Variants in LRRC20 observed in about 807,000 individuals in gnomAD.
LRRC20 encodes leucine-rich repeat-containing protein 20.
LRRC20 carries 11 observed loss-of-function variants against 14.4 expected under a neutral mutation model. The observed-to-expected ratio is 0.77, with a 90% CI of 0.48 to 1.27. The LOEUF (loss-of-function observed/expected upper bound fraction) is 1.27. Among genes scored for constraint, LRRC20 ranks in the 50% most tolerant of loss-of-function variants. LRRC20 has a pLI of 0.00. For missense variants in LRRC20, 219 were observed against 251.2 expected, an observed-to-expected ratio of 0.87 and a Z score of 0.87; for synonymous variants, 121 against 107.3, an observed-to-expected ratio of 1.13 and a Z score of -0.79.
chr10:70,358,331 G>C (rs967320244), intron 2 of LRRC20, among the ~76,000 whole-genome samples: 1 of 152,236 alleles, frequency 6.6e-6, no homozygotes, highest in Non-Finnish European at 1.5e-5. Context: ...GCAGCAGATG[G>C]AAGCTGCGAG....
At chr10:70,315,960 C>A (rs1841833906) in intron 4 of LRRC20, among the ~76,000 whole-genome samples, 2 of 152,096 alleles carry the variant, frequency 1.3e-5, no homozygotes, top group African/African-American at 4.8e-5. Context: ...TGTCCATATC[C>A]CCACAAGCCT....
intron 1 of LRRC20, among the ~76,000 whole-genome samples, chr10:70,380,936 T>C (rs1305249797): frequency 2.0e-5 from 3 of 152,078 alleles, no homozygotes; most frequent in African/African-American, 7.2e-5. Flanking sequence ...TAGGGGGGCA[T>C]GAAGGCACAT....
intron 4 of LRRC20, among the ~76,000 whole-genome samples, chr10:70,308,976 C>G (rs1285059144): frequency 6.6e-6 from 1 of 152,152 alleles, no homozygotes; most frequent in Non-Finnish European, 1.5e-5. Context: ...GTTCTTGAGT[C>G]TCTTCTTTCA....
chr10:70,317,755 C>T (rs1013715038), intron 4 of LRRC20, among the ~76,000 whole-genome samples: 1 of 152,154 alleles, frequency 6.6e-6, no homozygotes, highest in Non-Finnish European at 1.5e-5. Context: ...CCTTTTGTGA[C>T]CATGGTTCAA....
In LRRC20 at chr10:70,376,476, C is replaced by G. The variant is rs760313081; in HGVS notation, c.58G>C (p.Val20Leu). ...ARVARKVNET[V>L]ESGSDTLDLA... is the part of the protein sequence containing the mutation. ...CCCAGAGTGTCAGAGCCGCTCTCCACCGTCTCGTTGACCTTCCTTGCTACT... is the reference window on the plus strand; with the variant it reads ...CCCAGAGTGTCAGAGCCGCTCTCCAGCGTCTCGTTGACCTTCCTTGCTACT... The change falls in exon 2 of 5, where the codon GTG becomes CTG. Residue 20 changes from valine to leucine, a missense_variant. Transcript: ENST00000446961. 1 of 1,614,024 alleles carries G rather than the reference C, an allele frequency of 6.2e-7. No homozygotes were observed. Among genetic ancestry groups the G allele is most frequent in the African/African-American group, 1.3e-5 (1 of 74,954 alleles).
At chr10:70,301,642 C>G (rs767163338) in intron 4 of LRRC20, 134 bp from the exon 5 acceptor site, 35 of 1,059,082 alleles carry the variant, frequency 3.3e-5, no homozygotes, top group Non-Finnish European at 4.4e-5. Flanking sequence ...GTGGGCTCAG[C>G]TCCTGGTGCC....
At position 70,357,413 on chromosome 10, in the gene LRRC20, G is replaced by A. The variant is rs1288303941; in HGVS notation, c.83-16711C>T. On this transcript the variant is annotated intron_variant, in intron 2 of 4. Coordinates refer to ENST00000446961, the MANE Select transcript of LRRC20 (RefSeq NM_001278212.2). The stretch of plus-strand genomic sequence containing the variant: ...CAGGATCCAACGAACAGGTGGTTCT[G>A]AGCATGAAATAAAACGTCTGCAAGG... Among the ~76,000 whole-genome samples the A allele has an allele frequency of 2.6e-5, 4 of 152,220 alleles. No individual in the cohort carries two copies. The East Asian group carries it at 7.7e-4, about 29-fold the overall frequency.
At chr10:70,327,047 A>G (rs955448140) in intron 3 of LRRC20, among the ~76,000 whole-genome samples, 1 of 152,354 alleles carries the variant, frequency 6.6e-6, no homozygotes, top group Non-Finnish European at 1.5e-5. Context: ...GAGAAAAATA[A>G]GAAGCATCTA....
chr10:70,305,640 C>G (rs1411953323), intron 4 of LRRC20, among the ~76,000 whole-genome samples: 1 of 152,146 alleles, frequency 6.6e-6, no homozygotes, highest in East Asian at 1.9e-4. Flanking sequence ...GTCTCTTCCC[C>G]CCTCCTTTTT....
intron 2 of LRRC20, among the ~76,000 whole-genome samples, chr10:70,368,334 T>A (rs1216176692): frequency 6.6e-6 from 1 of 151,384 alleles, no homozygotes; most frequent in African/African-American, 2.4e-5. Context: ...ATTTTTTGTA[T>A]TTTTAGTACA....
At chr10:70,349,296 G>A (rs2137052758) in intron 2 of LRRC20, among the ~76,000 whole-genome samples, 1 of 152,312 alleles carries the variant, frequency 6.6e-6, no homozygotes, top group African/African-American at 2.4e-5. Flanking sequence ...ATAAGCGCAG[G>A]GCTGGGCATG....
chr10:70,315,149 A>G (rs984502762), intron 4 of LRRC20, among the ~76,000 whole-genome samples: 1 of 152,180 alleles, frequency 6.6e-6, no homozygotes, highest in Non-Finnish European at 1.5e-5. Flanking sequence ...AAGTGCTTAG[A>G]GAAGAGCTGG....
At chr10:70,372,817 T>C (rs888161188) in intron 2 of LRRC20, among the ~76,000 whole-genome samples, 3 of 151,994 alleles carry the variant, frequency 2.0e-5, no homozygotes, top group East Asian at 1.9e-4. Context: ...AATAGCATTA[T>C]ATAGGCCGGG....
intron 2 of LRRC20, 131 bp from the exon 3 acceptor site, chr10:70,340,833 C>T: frequency 1.1e-6 from 1 of 940,046 alleles, no homozygotes; most frequent in South Asian, 1.6e-5. Context: ...CTCCCCAGGA[C>T]CAGGCTTCAG....
At chr10:70,352,916 C>G (rs1217529622) in intron 2 of LRRC20, among the ~76,000 whole-genome samples, 1 of 152,102 alleles carries the variant, frequency 6.6e-6, no homozygotes, top group African/African-American at 2.4e-5. Context: ...ATTTTCCCAT[C>G]CCCCAGCTGC....
intron 4 of LRRC20, among the ~76,000 whole-genome samples, chr10:70,314,580 TC>T (rs879814294): frequency 1.3e-5 from 2 of 152,092 alleles, no homozygotes; most frequent in Non-Finnish European, 2.9e-5. Context: ...GAAGCCCGAA[TC>T]CCACCATCAG....
chr10:70,302,901 G>A (rs1352454591), intron 4 of LRRC20, among the ~76,000 whole-genome samples: 14 of 151,900 alleles, frequency 9.2e-5, no homozygotes, highest in African/African-American at 2.9e-4. Flanking sequence ...TAGTAGAGAC[G>A]GGGTTTCACC....
intron 4 of LRRC20, among the ~76,000 whole-genome samples, chr10:70,302,517 T>C (rs973592140): frequency 6.6e-6 from 1 of 152,062 alleles, no homozygotes; most frequent in African/African-American, 2.4e-5. Context: ...ATGAAAATAT[T>C]TTGGAAATAG....
chr10:70,370,094 G>A (rs185016470), intron 2 of LRRC20, among the ~76,000 whole-genome samples: 2 of 152,244 alleles, frequency 1.3e-5, no homozygotes. Context: ...ACAACAAGCA[G>A]TTTAGTCTTT....
Sources: gnomAD v4.1 joint callset for allele counts (sites outside exome capture counted in the v4.1 genomes callset) on GRCh38, gnomAD v4.1.1 for gene constraint, MANE v1.5 for transcripts, NCBI Gene and HGNC (gene_info 2026-07-23, HGNC 2026-07-21) for gene names.